Variants in CNTN4 observed in about 807,000 individuals in gnomAD.
CNTN4 encodes the protein contactin 4, also known as contactin-4.
CNTN4 carries 77 observed loss-of-function variants against 122.5 expected under a neutral mutation model. The observed-to-expected ratio is 0.63, with a 90% CI of 0.52 to 0.76. The LOEUF (loss-of-function observed/expected upper bound fraction) is 0.76. Among genes scored for constraint, CNTN4 ranks in the 30% least tolerant of loss-of-function variants. The probability of loss-of-function intolerance (pLI) is 0.00; values close to 1 mark genes in which losing one functional copy is unlikely to be tolerated. For synonymous variants in CNTN4, 512 were observed against 447.0 expected, an observed-to-expected ratio of 1.15 and a Z score of -1.83; for missense variants, 1,256 against 1,259.1, an observed-to-expected ratio of 1.00 and a Z score of 0.04.
At chr3:2,394,831 G>C (rs2046581370) in intron 3 of CNTN4, among the ~76,000 whole-genome samples, 1 of 124,776 alleles carries the variant, frequency 8.0e-6, no homozygotes. Flanking sequence ...CTGTCACCCA[G>C]ACTGGAGTAC....
At chr3:2,882,913 G>T (rs141293513) in intron 8 of CNTN4, 14 of 457,568 alleles carry the variant, frequency 3.1e-5, no homozygotes, top group African/African-American at 2.8e-4. Context: ...TGTATGCATG[G>T]AGAATTTAAT....
intron 4 of CNTN4, among the ~76,000 whole-genome samples, chr3:2,660,614 A>G (rs1221811908): frequency 1.3e-5 from 2 of 152,250 alleles, no homozygotes; most frequent in African/African-American, 4.8e-5. Context: ...CACCAGAGTC[A>G]TTTGAAATTC....
At chr3:2,120,634 C>T (rs1248413410) in intron 2 of CNTN4, among the ~76,000 whole-genome samples, 1 of 151,318 alleles carries the variant, frequency 6.6e-6, no homozygotes, top group East Asian at 2.0e-4. Context: ...AACTCCTGAC[C>T]TTAGGTGATC....
intron 4 of CNTN4, among the ~76,000 whole-genome samples, chr3:2,617,216 G>A (rs758666200): frequency 5.9e-5 from 9 of 151,944 alleles, no homozygotes; most frequent in Admixed American, 2.0e-4. Flanking sequence ...CCTACAGAAC[G>A]GGAGAAAATT....
At position 2,925,784 on chromosome 3, in the gene CNTN4, T is replaced by A. The variant is rs1463361282; in HGVS notation, c.1358+5T>A. The stretch of plus-strand genomic sequence containing the variant: ...TATATTAAAAGAAAATGAAAGGTAC[T>A]GTCTTGAATTATTTTCAATATTTGG... On this transcript the variant is annotated splice_donor_5th_base_variant and intron_variant, in intron 13 of 24. Coordinates refer to ENST00000418658, the MANE Select transcript of CNTN4 (RefSeq NM_175607.3). 3 of 1,608,250 alleles carry A rather than the reference T, an allele frequency of 1.9e-6. No individual in the cohort carries two copies. The highest frequency in any genetic ancestry group is 2.6e-6 in the Non-Finnish European group (3 of 1,175,072).
chr3:2,575,122 T>C (rs1269827299), intron 4 of CNTN4, among the ~76,000 whole-genome samples: 3 of 152,186 alleles, frequency 2.0e-5, no homozygotes, highest in Non-Finnish European at 4.4e-5. Flanking sequence ...GATATCCCAA[T>C]TATACAGATT....
intron 4 of CNTN4, among the ~76,000 whole-genome samples, chr3:2,727,449 G>A (rs528674411): frequency 1.3e-5 from 2 of 152,290 alleles, no homozygotes; most frequent in African/African-American, 4.8e-5. Flanking sequence ...ACTAGGGCTT[G>A]GCGTCAGTAT....
chr3:2,902,904 T>C lies in CNTN4; in HGVS notation c.1106T>C (p.Leu369Pro), dbSNP rs1177617088. Reference sequence around the variant, plus strand: ...AGAATTCAAATTGAGCAAGGAACACTCAACATAACAATAGTGAACCTCTCA... The same window carrying C: ...AGAATTCAAATTGAGCAAGGAACACCCAACATAACAATAGTGAACCTCTCA... Reference protein sequence around the residue: ...RDRIQIEQGTLNITIVNLSDA... With the variant: ...RDRIQIEQGTPNITIVNLSDA... Residue 369 changes from leucine to proline, a missense_variant, in exon 12 of 25, where the codon CTC becomes CCC. By Grantham distance (98) the Leu-to-Pro change is moderately conservative. Transcript: ENST00000418658. The C allele has an allele frequency of 2.5e-6, 4 of 1,613,788 alleles. No homozygotes were observed. The highest frequency in any genetic ancestry group is 3.4e-6 in the Non-Finnish European group (4 of 1,179,822).
chr3:2,166,185 A>G (rs1014700967), intron 2 of CNTN4, among the ~76,000 whole-genome samples: 1 of 152,186 alleles, frequency 6.6e-6, no homozygotes, highest in Non-Finnish European at 1.5e-5. Context: ...ATCCCCATCA[A>G]CAGTGTTTAA....
intron 3 of CNTN4, among the ~76,000 whole-genome samples, chr3:2,485,400 C>A (rs1460196136): frequency 6.6e-6 from 1 of 152,178 alleles, no homozygotes; most frequent in African/African-American, 2.4e-5. Flanking sequence ...ACTTGGAGAA[C>A]CTTTATGTCT....
chr3:2,672,003 G>A (rs187832737), intron 4 of CNTN4, among the ~76,000 whole-genome samples: 306 of 152,356 alleles, frequency 2.0e-3, no homozygotes, highest in Middle Eastern at 6.8e-3. Context: ...CACCGGCCAT[G>A]TGAGGTGTCA....
At chr3:2,747,407 T>TAA (rs1187974635) in intron 6 of CNTN4, among the ~76,000 whole-genome samples, 1 of 26,302 alleles carries the variant, frequency 3.8e-5, no homozygotes, top group Non-Finnish European at 1.2e-4. Flanking sequence ...AGACTCCGTC[T>TAA]AAAAAAAAAA....
chr3:2,409,386 TAC>T (rs2047152206), intron 3 of CNTN4, among the ~76,000 whole-genome samples: 1 of 151,988 alleles, frequency 6.6e-6, no homozygotes, highest in Non-Finnish European at 1.5e-5. Context: ...TAGCTGGGAC[TAC>T]AGGCGCCCGC....
intron 23 of CNTN4, among the ~76,000 whole-genome samples, chr3:3,048,514 CTCTGTGTGTGTG>C (rs1334947503): frequency 2.2e-5 from 3 of 134,376 alleles, no homozygotes; most frequent in Non-Finnish European, 4.6e-5. Flanking sequence ...CTCTCTCTCT[CTCTGTGTGTGTG>C]TGTGTGTGTG....
chr3:2,552,451 A>G (rs141029916), intron 3 of CNTN4, among the ~76,000 whole-genome samples: 1,850 of 152,292 alleles, frequency 0.012, 19 homozygotes, highest in Middle Eastern at 0.041. Flanking sequence ...TACAGAGTAC[A>G]AGACAAATGC....
intron 13 of CNTN4, among the ~76,000 whole-genome samples, chr3:2,969,889 C>G (rs572018351): frequency 3.3e-5 from 5 of 152,184 alleles, no homozygotes; most frequent in African/African-American, 1.2e-4. Context: ...TGTCAGAACT[C>G]AAAAGCAGAT....
At chr3:2,789,090 A>G (rs1431208160) in intron 6 of CNTN4, among the ~76,000 whole-genome samples, 1 of 152,068 alleles carries the variant, frequency 6.6e-6, no homozygotes, top group African/African-American at 2.4e-5. Context: ...TAGATGCTGC[A>G]TTCAGTCTTA....
chr3:2,280,017 ATATATC>A (rs1350580604), intron 2 of CNTN4, among the ~76,000 whole-genome samples: 16 of 152,238 alleles, frequency 1.1e-4, no homozygotes, highest in African/African-American at 3.8e-4. Context: ...ATAAAGGAAT[ATATATC>A]TATATAGTAT....
chr3:2,617,570 G>A (rs1221935615), intron 4 of CNTN4, among the ~76,000 whole-genome samples: 5 of 151,888 alleles, frequency 3.3e-5, no homozygotes, highest in Non-Finnish European at 5.9e-5. Context: ...ACAGGCACAC[G>A]CCACCATGAC....
Sources: allele counts gnomAD v4.1 joint callset (sites outside exome capture counted in the v4.1 genomes callset), GRCh38; gene constraint gnomAD v4.1.1; transcripts MANE v1.5; gene names NCBI Gene and HGNC (gene_info 2026-07-23, HGNC 2026-07-21).